Variants in SRGAP1 observed in about 807,000 individuals in gnomAD.
The protein encoded by SRGAP1 is SLIT-ROBO Rho GTPase-activating protein 1.
Under a neutral mutation model 121.9 loss-of-function variants are expected in SRGAP1, and 43 were observed. The observed-to-expected ratio is 0.35, with a 90% confidence interval of 0.28 to 0.46. The LOEUF is 0.46. SRGAP1 is among the 20% of genes least tolerant of loss of function. SRGAP1 has a pLI of 1.00. For missense variants in SRGAP1, 1,102 were observed against 1,350.9 expected (o/e 0.82, Z 2.89); for synonymous variants, 447 against 485.4 (o/e 0.92, Z 1.04).
At chr12:64,086,492 A>T (rs1239712938) in intron 10 of SRGAP1, among the ~76,000 whole-genome samples, 2 of 152,192 alleles carry the variant, frequency 1.3e-5, no homozygotes, top group Non-Finnish European at 2.9e-5. Context: ...GTCATTTCTG[A>T]TTACAGAATA....
chr12:63,876,684 A>C (rs1273838976), intron 1 of SRGAP1, among the ~76,000 whole-genome samples: 2 of 152,198 alleles, frequency 1.3e-5, no homozygotes, highest in East Asian at 3.9e-4. Context: ...ATGTACGCTC[A>C]TGTTGACTTC....
chr12:63,851,421 C>G (rs1899069014), intron 1 of SRGAP1, among the ~76,000 whole-genome samples: 1 of 151,912 alleles, frequency 6.6e-6, no homozygotes, highest in South Asian at 2.1e-4. Flanking sequence ...GGCGAGACAC[C>G]ATCTCTAATT....
At chr12:64,006,197 A>C (rs543742317) in intron 3 of SRGAP1, among the ~76,000 whole-genome samples, 1 of 152,176 alleles carries the variant, frequency 6.6e-6, no homozygotes, top group East Asian at 1.9e-4. Context: ...GGGGAAGTAC[A>C]TTCTTCTATA....
chr12:64,076,206 C>G (rs2035735684), intron 8 of SRGAP1, among the ~76,000 whole-genome samples: 1 of 152,122 alleles, frequency 6.6e-6, no homozygotes, highest in African/African-American at 2.4e-5. Context: ...CAAAAAATAT[C>G]TAGCAAAGAT....
At chr12:63,923,269 C>G (rs983853715) in intron 1 of SRGAP1, among the ~76,000 whole-genome samples, 6 of 152,142 alleles carry the variant, frequency 3.9e-5, no homozygotes, top group Admixed American at 2.0e-4. Flanking sequence ...CCCTCTTGCT[C>G]CCAGCCTTAT....
intron 11 of SRGAP1, among the ~76,000 whole-genome samples, chr12:64,088,293 T>C (rs149232558): frequency 1.3e-5 from 2 of 152,350 alleles, no homozygotes; most frequent in African/African-American, 4.8e-5. Flanking sequence ...CCTGGTAATA[T>C]GCAGCTTATA....
chr12:64,096,041 A>G (rs2036149461), intron 14 of SRGAP1, among the ~76,000 whole-genome samples: 1 of 152,194 alleles, frequency 6.6e-6, no homozygotes, highest in Non-Finnish European at 1.5e-5. Flanking sequence ...GCAAAACTGT[A>G]AAAATTGATG....
chr12:64,021,585 G>A (rs2136473208), intron 4 of SRGAP1, among the ~76,000 whole-genome samples: 1 of 152,302 alleles, frequency 6.6e-6, no homozygotes, highest in East Asian at 1.9e-4. Context: ...ACTGGCTGCA[G>A]AGCCTCTACC....
rs2035630819 is a variant in SRGAP1 at position 64,071,216 on chromosome 12, G to C, written c.1125+5997G>C. On this transcript the variant is annotated intron_variant, in intron 8 of 21. Transcript: ENST00000355086. Reference sequence around the variant, plus strand: ...TTTAACTCACTGAAGGGAGGGCCTTGATCCAAAAGAATACCAAGAGAAATG... The same window carrying C: ...TTTAACTCACTGAAGGGAGGGCCTTCATCCAAAAGAATACCAAGAGAAATG... Among the ~76,000 whole-genome samples the C allele has an allele frequency of 2.0e-5, 3 of 152,100 alleles. No homozygotes were observed. The South Asian group carries it at 6.2e-4, about 32-fold the overall frequency.
chr12:63,944,633 T>C (rs570368698), intron 1 of SRGAP1, among the ~76,000 whole-genome samples: 1 of 152,282 alleles, frequency 6.6e-6, no homozygotes, highest in Non-Finnish European at 1.5e-5. Flanking sequence ...GGAACAGTAG[T>C]AGATGTGAAA....
chr12:63,858,123 T>C (rs557942480), intron 1 of SRGAP1, among the ~76,000 whole-genome samples: 1 of 152,152 alleles, frequency 6.6e-6, no homozygotes, highest in Non-Finnish European at 1.5e-5. Flanking sequence ...GTAATATTTA[T>C]AGATTTCCTA....
chr12:63,852,100 CT>C (rs1899094561), intron 1 of SRGAP1, among the ~76,000 whole-genome samples: 1 of 152,158 alleles, frequency 6.6e-6, no homozygotes, highest in Admixed American at 6.5e-5. Context: ...TCAGGTGATC[CT>C]GCCACCTCAG....
Position 64,034,093 on chromosome 12 carries a change from G to A in SRGAP1, c.490-8697G>A, listed in dbSNP as rs965780114. Among the ~76,000 whole-genome samples, 7 of 152,132 alleles carry A rather than the reference G, an allele frequency of 4.6e-5. No individual in the cohort carries two copies. The East Asian group carries it at 5.8e-4, about 13-fold the overall frequency. On this transcript the variant is annotated intron_variant, in intron 4 of 21. Transcript: ENST00000355086. ...ATATTCACTGATATGGTTTGGCTCC[G>A]TGTCCCCAACCAAATCTCATGTTGA...
chr12:63,902,112 C>T (rs894749358), intron 1 of SRGAP1, among the ~76,000 whole-genome samples: 12 of 152,124 alleles, frequency 7.9e-5, no homozygotes, highest in Admixed American at 2.6e-4. Flanking sequence ...CTCAGGAGTT[C>T]GAAACCAGCC....
intron 1 of SRGAP1, among the ~76,000 whole-genome samples, chr12:63,903,075 A>T (rs964838926): frequency 1.3e-5 from 2 of 152,160 alleles, no homozygotes; most frequent in Non-Finnish European, 2.9e-5. Context: ...ATATATATAT[A>T]TATAAAGTGT....
intron 1 of SRGAP1, among the ~76,000 whole-genome samples, chr12:63,890,926 G>A (rs1392122148): frequency 6.6e-6 from 1 of 152,232 alleles, no homozygotes; most frequent in South Asian, 2.1e-4. Flanking sequence ...CCTGCGCAAA[G>A]GAGAACACAT....
intron 1 of SRGAP1, among the ~76,000 whole-genome samples, chr12:63,931,448 C>T (rs924641178): frequency 4.1e-4 from 62 of 152,158 alleles, no homozygotes; most frequent in African/African-American, 1.4e-3. Context: ...CATTGCCATT[C>T]TGCAGTAAGT....
chr12:64,062,706 G>A (rs911774506), intron 6 of SRGAP1, among the ~76,000 whole-genome samples: 9 of 151,876 alleles, frequency 5.9e-5, no homozygotes, highest in Admixed American at 2.0e-4. Context: ...TAGTAGAGAC[G>A]GGGGGTCTTC....
chr12:63,892,552 C>T (rs1430976443), intron 1 of SRGAP1, among the ~76,000 whole-genome samples: 2 of 151,754 alleles, frequency 1.3e-5, no homozygotes, highest in African/African-American at 4.8e-5. Flanking sequence ...CTTTTTTTCT[C>T]CCCTCCCTTT....
Sources: allele counts gnomAD v4.1 joint callset (sites outside exome capture counted in the v4.1 genomes callset), GRCh38; gene constraint gnomAD v4.1.1; transcripts MANE v1.5; gene names NCBI Gene and HGNC (gene_info 2026-07-23, HGNC 2026-07-21).